Variants in CPEB1 observed in about 807,000 individuals in gnomAD.
CPEB1 encodes the protein cytoplasmic polyadenylation element binding protein 1.
In CPEB1, 7 loss-of-function variants were observed where a neutral mutation model predicts 65.8. The ratio of observed to expected loss-of-function variants is 0.11; its 90% CI spans 0.06 to 0.20. The LOEUF (loss-of-function observed/expected upper bound fraction) is 0.20, where lower values mean the gene tolerates loss of function less well. CPEB1 is among the 10% of genes least tolerant of loss of function. The pLI is 1.00. For missense variants in CPEB1, 551 were observed against 712.2 expected (o/e 0.77, Z 2.58); for synonymous variants, 262 against 260.0 (o/e 1.01, Z -0.08).
intron 1 of CPEB1, among the ~76,000 whole-genome samples, chr15:82,636,665 G>A (rs956970302): frequency 6.6e-6 from 1 of 152,110 alleles, no homozygotes; most frequent in Non-Finnish European, 1.5e-5. Context: ...TGGACTGTAA[G>A]CTCACCAATC....
chr15:82,549,746 C>A, intron 9 of CPEB1, 88 bp from the exon 10 acceptor site: 1 of 1,299,344 alleles, frequency 7.7e-7, no homozygotes, highest in Non-Finnish European at 1.1e-6. Flanking sequence ...TCTGGAGATA[C>A]TGAAGCTAAG....
intron 1 of CPEB1, among the ~76,000 whole-genome samples, chr15:82,638,312 T>A (rs1594511): frequency 0.42 from 63,954 of 151,956 alleles, 13,638 homozygotes; most frequent in African/African-American, 0.49. Context: ...TTTGGATGGA[T>A]CTTTTACTCC....
intron 1 of CPEB1, among the ~76,000 whole-genome samples, chr15:82,645,804 G>T (rs889032352): frequency 1.3e-5 from 2 of 152,052 alleles, no homozygotes; most frequent in African/African-American, 4.8e-5. Context: ...GGAGGCGGAG[G>T]CTGCAGTGAG....
chr15:82,546,576 T>C (rs776377780), intron 11 of CPEB1, 55 bp from the exon 12 acceptor site: 57 of 1,325,056 alleles, frequency 4.3e-5, no homozygotes, highest in South Asian at 3.3e-4. Context: ...GGAGGCTCGA[T>C]AGGCGATAGA....
At chr15:82,555,130 G>A (rs2036965570) in intron 6 of CPEB1, among the ~76,000 whole-genome samples, 1 of 152,208 alleles carries the variant, frequency 6.6e-6, no homozygotes, top group South Asian at 2.1e-4. Flanking sequence ...CCCTGAAGCA[G>A]TACTAGACAA....
intron 3 of CPEB1, among the ~76,000 whole-genome samples, chr15:82,603,874 T>C (rs1327140243): frequency 6.6e-6 from 1 of 152,198 alleles, no homozygotes; most frequent in Non-Finnish European, 1.5e-5. Flanking sequence ...GATAACCCGA[T>C]TTCCAGACTT....
intron 2 of CPEB1, 128 bp from the exon 3 acceptor site, chr15:82,627,495 G>A (rs900253384): frequency 9.2e-6 from 6 of 650,254 alleles, no homozygotes; most frequent in South Asian, 2.6e-5. Flanking sequence ...AACACTTAAT[G>A]AGTGTTTACT....
intron 3 of CPEB1, among the ~76,000 whole-genome samples, chr15:82,594,359 CA>C (rs367682928): frequency 8.0e-6 from 1 of 124,970 alleles, no homozygotes; most frequent in Non-Finnish European, 1.6e-5. Context: ...CCTCATGAAC[CA>C]AAAAAAAAGA....
chr15:82,557,431 C>T (rs1157470344), intron 5 of CPEB1: 2 of 294,798 alleles, frequency 6.8e-6, no homozygotes, highest in Non-Finnish European at 1.2e-5. Context: ...GAAAGCACCC[C>T]GTGTAGGTAA....
intron 3 of CPEB1, among the ~76,000 whole-genome samples, chr15:82,613,992 G>A (rs1048292189): frequency 4.0e-5 from 6 of 151,408 alleles, no homozygotes; most frequent in Non-Finnish European, 8.9e-5. Flanking sequence ...CCTCCGCCAA[G>A]CAGTGGCCTT....
chr15:82,619,365 A>G (rs768620728), intron 3 of CPEB1, among the ~76,000 whole-genome samples: 3 of 152,238 alleles, frequency 2.0e-5, no homozygotes, highest in Non-Finnish European at 4.4e-5. Flanking sequence ...TACTACCTTC[A>G]TGACCTTGGA....
intron 3 of CPEB1, among the ~76,000 whole-genome samples, chr15:82,601,064 C>G (rs1046139966): frequency 2.4e-4 from 36 of 150,960 alleles, no homozygotes; most frequent in Admixed American, 5.9e-4. Context: ...GCCACCACAC[C>G]GAGCTAATTT....
intron 6 of CPEB1, 36 bp from the exon 7 acceptor site, chr15:82,554,027 T>G: frequency 7.5e-7 from 1 of 1,340,720 alleles, no homozygotes; most frequent in South Asian, 1.3e-5. Flanking sequence ...CAGGGGAGGT[T>G]AGAGAATCAA....
At chr15:82,622,431 G>A (rs547142550) in intron 3 of CPEB1, among the ~76,000 whole-genome samples, 6 of 152,072 alleles carry the variant, frequency 3.9e-5, no homozygotes, top group South Asian at 2.1e-4. Context: ...CTCCAGAGTC[G>A]CACTCTATCA....
chr15:82,602,194 A>C (rs1353819269), intron 3 of CPEB1, among the ~76,000 whole-genome samples: 1 of 152,236 alleles, frequency 6.6e-6, no homozygotes, highest in African/African-American at 2.4e-5. Context: ...ATAAAAATTC[A>C]TAACAAAAAG....
At chr15:82,584,981 A>G (rs1025380943) in intron 3 of CPEB1, among the ~76,000 whole-genome samples, 2 of 140,370 alleles carry the variant, frequency 1.4e-5, no homozygotes, top group African/African-American at 5.5e-5. Context: ...GTAAGGTGAC[A>G]ACATCCCCTA....
chr15:82,634,113 G>C (rs2046470300), intron 1 of CPEB1, among the ~76,000 whole-genome samples: 3 of 151,704 alleles, frequency 2.0e-5, no homozygotes, highest in African/African-American at 7.3e-5. Context: ...TTACTCAGAG[G>C]TATGGTTTCA....
At chr15:82,595,950 T>C (rs1297876512) in intron 3 of CPEB1, among the ~76,000 whole-genome samples, 2 of 152,082 alleles carry the variant, frequency 1.3e-5, no homozygotes, top group Non-Finnish European at 2.9e-5. Flanking sequence ...TAATCACCAA[T>C]TAACAGAAAC....
intron 4 of CPEB1, chr15:82,562,102 A>AT (rs1470800566): frequency 2.4e-6 from 1 of 422,414 alleles, no homozygotes; most frequent in African/African-American, 2.1e-5. Context: ...GTAACAGCTA[A>AT]TGAGTGACAG....
Sources: allele counts gnomAD v4.1 joint callset (sites outside exome capture counted in the v4.1 genomes callset), GRCh38; gene constraint gnomAD v4.1.1; transcripts MANE v1.5; gene names NCBI Gene and HGNC (gene_info 2026-07-23, HGNC 2026-07-21).